The following ATP5F1C variants were observed in gnomAD, a reference collection of about 807,000 sequenced individuals.
ATP5F1C encodes ATP synthase F(1) complex subunit gamma, mitochondrial.
ATP5F1C carries 22 observed loss-of-function variants against 37.4 expected under a neutral mutation model. The observed-to-expected ratio is 0.59, with a 90% confidence interval of 0.42 to 0.84. The LOEUF (loss-of-function observed/expected upper bound fraction) is 0.84, where lower values mean the gene tolerates loss of function less well. Ranked by LOEUF, ATP5F1C falls within the 40% of genes least tolerant of loss-of-function variation. ATP5F1C has a pLI of 0.00. For synonymous variants in ATP5F1C, 121 were observed against 128.0 expected, an observed-to-expected ratio of 0.95 and a Z score of 0.37; for missense variants, 286 against 362.4, an observed-to-expected ratio of 0.79 and a Z score of 1.71.
At chr10:7,792,967 C>T (rs960515607) in intron 1 of ATP5F1C, among the ~76,000 whole-genome samples, 2 of 152,210 alleles carry the variant, frequency 1.3e-5, no homozygotes, top group Admixed American at 6.5e-5. Context: ...TCCTTTTGCT[C>T]CACATCCTCA....
chr10:7,799,880 A>G lies in ATP5F1C; in HGVS notation c.537A>G (p.Glu179=), dbSNP rs374498652. The change falls in exon 5 of 10, where the codon GAA becomes GAG. Residue 179 remains glutamate, a synonymous_variant. Transcript: ENST00000356708. ...TTGAATTACTAAATTCTGGATATGA[A>G]TTTGATGAAGGCTCCATCATCTTTA... ...IALELLNSGY[E]FDEGSIIFNK... is the part of the protein sequence containing the mutation. 3 of 1,614,052 alleles carry G rather than the reference A, an allele frequency of 1.9e-6. No homozygotes were observed. The highest frequency in any genetic ancestry group is 2.5e-6 in the Non-Finnish European group (3 of 1,180,030).
chr10:7,788,189 C>G lies in ATP5F1C; in HGVS notation c.-19C>G, dbSNP rs747032888. The G allele has an allele frequency of 1.2e-6, 2 of 1,612,814 alleles. No homozygotes were observed. The highest frequency in any genetic ancestry group is 2.2e-5 in the East Asian group (1 of 44,872). On this transcript the variant is annotated 5_prime_UTR_variant, in exon 1 of 10. Transcript: ENST00000356708. Reference sequence around the variant, plus strand: ...CGCTGAGGCCTGCCTGACCGACCTTCAGCAGGGCTGTGGCTACCATGTTCT... The same window carrying G: ...CGCTGAGGCCTGCCTGACCGACCTTGAGCAGGGCTGTGGCTACCATGTTCT...
chr10:7,803,485 T>C (rs1293784487), intron 8 of ATP5F1C, among the ~76,000 whole-genome samples: 1 of 152,236 alleles, frequency 6.6e-6, no homozygotes, highest in African/African-American at 2.4e-5. Flanking sequence ...GTTGTTGTAT[T>C]GGTTTTTGTT....
intron 1 of ATP5F1C, among the ~76,000 whole-genome samples, chr10:7,789,738 A>C (rs1408952184): frequency 6.6e-6 from 1 of 152,246 alleles, no homozygotes; most frequent in Non-Finnish European, 1.5e-5. Context: ...TATTTTTACA[A>C]CCTTAGTTTC....
chr10:7,802,346 C>T lies in ATP5F1C; in HGVS notation c.714C>T (p.Ile238=), dbSNP rs1564334188. ...NYQEYNLANI[I]YYSLKESTTS... ...AAGAATACAATCTGGCCAACATCAT[C>T]TACTACTCTCTGAAGGAGTCCACCA... Residue 238 remains isoleucine, a synonymous_variant, in exon 7 of 10, where the codon ATC becomes ATT. Coordinates refer to ENST00000356708, the MANE Select transcript of ATP5F1C (RefSeq NM_001001973.3). The T allele has an allele frequency of 1.2e-6, 2 of 1,614,202 alleles. No homozygotes were observed. The highest frequency in any genetic ancestry group is 1.6e-4 in the Middle Eastern group (1 of 6,062).
chr10:7,795,397 T>TC (rs768339489), intron 1 of ATP5F1C, among the ~76,000 whole-genome samples: 20 of 152,162 alleles, frequency 1.3e-4, no homozygotes, highest in Non-Finnish European at 2.5e-4. Context: ...TAGCATGTCT[T>TC]CCCCCATTAG....
intron 3 of ATP5F1C, among the ~76,000 whole-genome samples, chr10:7,798,730 T>G (rs1440865502): frequency 6.6e-6 from 1 of 151,058 alleles, no homozygotes; most frequent in Non-Finnish European, 1.5e-5. Context: ...GGGATTTCAC[T>G]ACGTTGGCCA....
intron 8 of ATP5F1C, among the ~76,000 whole-genome samples, chr10:7,804,625 T>G (rs1008029232): frequency 6.6e-6 from 1 of 152,238 alleles, no homozygotes; most frequent in Non-Finnish European, 1.5e-5. Flanking sequence ...GTCTTCCATT[T>G]AGCTTAGCTC....
At chr10:7,798,917 C>T in intron 3 of ATP5F1C, 73 bp from the exon 4 acceptor site, 1 of 1,413,730 alleles carries the variant, frequency 7.1e-7, no homozygotes. Context: ...TAACCAACTG[C>T]TTTGTAAATT....
intron 1 of ATP5F1C, among the ~76,000 whole-genome samples, 170 bp downstream of exon 1, chr10:7,788,433 G>C (rs904614601): frequency 3.3e-5 from 5 of 152,238 alleles, no homozygotes; most frequent in Admixed American, 3.3e-4. Context: ...GCGGCTCTGA[G>C]GTCGGGCAAG....
chr10:7,802,770 A>G lies in ATP5F1C; in HGVS notation c.806A>G (p.Asp269Gly). Residue 269 changes from aspartate to glycine, a missense_variant, in exon 8 of 10, where the codon GAC becomes GGC. Transcript: ENST00000356708. Reference protein sequence around the residue: ...NASKNASEMIDKLTLTFNRTR... With the variant: ...NASKNASEMIGKLTLTFNRTR... The stretch of plus-strand genomic sequence containing the variant: ...GTTTTGTTTGTAGCTGAGATGATTG[A>G]CAAATTGACATTGACATTCAACCGT... The G allele has an allele frequency of 6.2e-7, 1 of 1,613,632 alleles. No individual in the cohort carries two copies.
intron 1 of ATP5F1C, among the ~76,000 whole-genome samples, chr10:7,789,526 C>A (rs1588494602): frequency 6.6e-6 from 1 of 151,998 alleles, no homozygotes; most frequent in Non-Finnish European, 1.5e-5. Flanking sequence ...ATAGATTGTC[C>A]CACTTGTTAA....
intron 8 of ATP5F1C, among the ~76,000 whole-genome samples, chr10:7,803,700 G>T (rs941059955): frequency 3.3e-5 from 5 of 152,202 alleles, no homozygotes; most frequent in Non-Finnish European, 1.5e-5. Context: ...CCCACTATGT[G>T]CACAGTACAG....
chr10:7,801,876 T>C (rs953138057), intron 6 of ATP5F1C, among the ~76,000 whole-genome samples: 9 of 152,234 alleles, frequency 5.9e-5, no homozygotes, highest in African/African-American at 2.2e-4. Context: ...CAACCTGTAT[T>C]ACACTAAATT....
intron 1 of ATP5F1C, among the ~76,000 whole-genome samples, chr10:7,794,226 C>A (rs1281258994): frequency 1.3e-5 from 2 of 152,184 alleles, no homozygotes; most frequent in East Asian, 3.8e-4. Context: ...ACCTTATATC[C>A]TGCAACCTTG....
chr10:7,803,278 A>G (rs2131075526), intron 8 of ATP5F1C, among the ~76,000 whole-genome samples: 1 of 151,116 alleles, frequency 6.6e-6, no homozygotes, highest in East Asian at 1.9e-4. Flanking sequence ...TGTTTTCTAT[A>G]TCAGTACCAA....
chr10:7,788,381 C>G, intron 1 of ATP5F1C, 118 bp downstream of exon 1: 1 of 1,415,208 alleles, frequency 7.1e-7, no homozygotes, highest in Non-Finnish European at 9.7e-7. Context: ...CTAGCTGGGC[C>G]CCTGGCCCGT....
In ATP5F1C at chr10:7,802,098, C is replaced by T. The variant is rs540101496; in HGVS notation, c.638-172C>T. On this transcript the variant is annotated intron_variant, in intron 6 of 9. Transcript: ENST00000356708. ...CACATTATATTTTGCTAAAAATATG[C>T]TATCATCTGTAGTGTGGAAATAGAT... The T allele has an allele frequency of 6.3e-6, 4 of 637,950 alleles. No individual in the cohort carries two copies. The South Asian group carries it at 8.4e-5, about 13-fold the overall frequency. 39.5% of individuals were successfully genotyped at this position (637,950 alleles called of 1,614,324 possible).
At position 7,796,167 on chromosome 10, in the gene ATP5F1C, G is replaced by T; in HGVS notation, c.91+12G>T. 6.3e-7 allele frequency: 1 copy of T among 1,582,052 alleles called. No homozygotes were observed. Among genetic ancestry groups the T allele is most frequent in the Non-Finnish European group, 8.6e-7 (1 of 1,168,886 alleles). On this transcript the variant is annotated intron_variant, in intron 2 of 9. Transcript: ENST00000356708. ...AACTTTGAAAGATAGTAAGTATGTTGTTTGTCTCAATATGTGAATTGAGAA... is the reference window on the plus strand; with the variant it reads ...AACTTTGAAAGATAGTAAGTATGTTTTTTGTCTCAATATGTGAATTGAGAA...
Sources: gnomAD v4.1 joint callset for allele counts (sites outside exome capture counted in the v4.1 genomes callset) on GRCh38, gnomAD v4.1.1 for gene constraint, MANE v1.5 for transcripts, NCBI Gene and HGNC (gene_info 2026-07-23, HGNC 2026-07-21) for gene names.